The following CDH13 variants were observed in gnomAD, a reference collection of about 807,000 sequenced individuals.
CDH13 encodes cadherin 13.
A neutral mutation model predicts 63.8 loss-of-function variants in CDH13; 24 were observed. That is an observed-to-expected ratio of 0.38 (90% CI 0.27 to 0.53). CDH13 has a LOEUF of 0.53. Among genes scored for constraint, CDH13 ranks in the 20% least tolerant of loss-of-function variants. The pLI, the probability that CDH13 is intolerant of heterozygous loss-of-function variation, is 0.85. For synonymous variants in CDH13, 503 were observed against 355.3 expected (o/e 1.42, Z -4.67); for missense variants, 1,049 against 903.1 (o/e 1.16, Z -2.07).
At chr16:83,144,119 C>T (rs2036647827) in intron 4 of CDH13, among the ~76,000 whole-genome samples, 4 of 152,110 alleles carry the variant, frequency 2.6e-5, no homozygotes, top group Admixed American at 2.6e-4. Flanking sequence ...TCATACTTGA[C>T]CCACAGCTAG....
chr16:83,086,150 C>T (rs1486683288), intron 3 of CDH13, among the ~76,000 whole-genome samples: 1 of 152,304 alleles, frequency 6.6e-6, no homozygotes, highest in South Asian at 2.1e-4. Context: ...GATACCAGGC[C>T]ACTGGTGTCT....
chr16:83,653,898 T>G (rs886400238), intron 8 of CDH13, among the ~76,000 whole-genome samples: 2 of 152,130 alleles, frequency 1.3e-5, no homozygotes, highest in African/African-American at 2.4e-5. Context: ...CCATAAATAT[T>G]TGTGGAATGT....
At chr16:83,761,138 A>C (rs1268476825) in intron 11 of CDH13, among the ~76,000 whole-genome samples, 1 of 152,216 alleles carries the variant, frequency 6.6e-6, no homozygotes, top group Non-Finnish European at 1.5e-5. Flanking sequence ...AAACTGTCAG[A>C]TCAGAATGGA....
chr16:83,434,784 T>C (rs985970588), intron 6 of CDH13, among the ~76,000 whole-genome samples: 15 of 151,124 alleles, frequency 9.9e-5, no homozygotes, highest in African/African-American at 3.7e-4. Flanking sequence ...CCCCAATTTC[T>C]CTCTTGGACT....
chr16:83,731,138 T>A (rs541048487), intron 10 of CDH13, among the ~76,000 whole-genome samples: 32 of 152,362 alleles, frequency 2.1e-4, no homozygotes, highest in African/African-American at 7.7e-4. Context: ...AGTGCATGTG[T>A]CTTTTTGGCA....
chr16:83,629,984 T>C (rs1292968631), intron 8 of CDH13, among the ~76,000 whole-genome samples: 2 of 152,230 alleles, frequency 1.3e-5, no homozygotes, highest in Admixed American at 6.5e-5. Flanking sequence ...CCGTATTTCA[T>C]AGAGCCCTGA....
chr16:82,859,152 T>A (rs2039825433), intron 2 of CDH13: 1 of 152,252 alleles, frequency 6.6e-6, no homozygotes, highest in African/African-American at 2.4e-5. Context: ...AAGTACAGTT[T>A]TAGTGCAATA....
At chr16:82,979,802 A>G (rs1046842057) in intron 2 of CDH13, among the ~76,000 whole-genome samples, 18 of 152,308 alleles carry the variant, frequency 1.2e-4, no homozygotes, top group African/African-American at 3.8e-4. Context: ...GAGGAAAACA[A>G]TAAGATCAGA....
intron 1 of CDH13, among the ~76,000 whole-genome samples, chr16:82,718,267 T>A (rs1024252604): frequency 1.3e-5 from 2 of 152,196 alleles, no homozygotes; most frequent in Non-Finnish European, 2.9e-5. Flanking sequence ...GGGGTATTTA[T>A]CTACCAACTC....
At chr16:83,455,825 A>G (rs1248212063) in intron 6 of CDH13, among the ~76,000 whole-genome samples, 1 of 152,212 alleles carries the variant, frequency 6.6e-6, no homozygotes, top group East Asian at 1.9e-4. Context: ...CCCTGTGGAC[A>G]AGTCTCCCTT....
chr16:83,680,298 T>C (rs1011067759), intron 10 of CDH13, among the ~76,000 whole-genome samples: 2 of 152,184 alleles, frequency 1.3e-5, no homozygotes, highest in Admixed American at 1.3e-4. Flanking sequence ...TGCACCTCCC[T>C]GCTCCAGGCA....
chr16:83,351,531 G>C (rs948043657), intron 6 of CDH13, among the ~76,000 whole-genome samples: 4 of 151,888 alleles, frequency 2.6e-5, no homozygotes, highest in Non-Finnish European at 4.4e-5. Flanking sequence ...CACTCCTCAG[G>C]GTCCTATGGA....
At chr16:83,479,201 G>C (rs190092046) in intron 6 of CDH13, among the ~76,000 whole-genome samples, 1 of 151,754 alleles carries the variant, frequency 6.6e-6, no homozygotes, top group Non-Finnish European at 1.5e-5. Flanking sequence ...TTCCTAACAA[G>C]ATTTTAAGTA....
chr16:83,326,380 C>T (rs1035731443), intron 5 of CDH13, among the ~76,000 whole-genome samples: 14 of 150,166 alleles, frequency 9.3e-5, no homozygotes, highest in African/African-American at 3.4e-4. Flanking sequence ...ATTGGAGAAA[C>T]ATCATTGTCC....
intron 2 of CDH13, among the ~76,000 whole-genome samples, chr16:82,942,011 T>G (rs968963330): frequency 6.6e-6 from 1 of 152,198 alleles, no homozygotes; most frequent in Non-Finnish European, 1.5e-5. Context: ...ACTTTCTTAA[T>G]GGTGTCGTTT....
At chr16:83,480,631 C>A (rs73603832) in intron 6 of CDH13, among the ~76,000 whole-genome samples, 1,852 of 152,216 alleles carry the variant, frequency 0.012, 30 homozygotes, top group African/African-American at 0.04. Context: ...CTGCTCATGA[C>A]GAAGAGACGT....
At chr16:82,658,330 C>G (rs887486473) in intron 1 of CDH13, among the ~76,000 whole-genome samples, 3 of 152,134 alleles carry the variant, frequency 2.0e-5, no homozygotes, top group Non-Finnish European at 4.4e-5. Context: ...CTGCTGGTTC[C>G]CAATAGTTGA....
At chr16:82,765,198 A>C (rs192854744) in intron 1 of CDH13, among the ~76,000 whole-genome samples, 2 of 152,326 alleles carry the variant, frequency 1.3e-5, no homozygotes, top group East Asian at 3.9e-4. Flanking sequence ...CTTTTTAAAG[A>C]GATGAGTATT....
chr16:82,833,532 T>C lies in CDH13; in HGVS notation c.46-24830T>C, dbSNP rs544755639. Among the ~76,000 whole-genome samples, 16 of 152,336 alleles carry C rather than the reference T, an allele frequency of 1.1e-4. No homozygotes were observed. In the South Asian group the frequency reaches 3.3e-3, roughly 32 times the overall value. Reference sequence around the variant, plus strand: ...TGTCAAATGCTGAGTTTGCAAAGCATGGTCTGAGTGCTTCCCTTCTGGACC... The same window carrying C: ...TGTCAAATGCTGAGTTTGCAAAGCACGGTCTGAGTGCTTCCCTTCTGGACC... On this transcript the variant is annotated intron_variant, in intron 1 of 13. Coordinates refer to ENST00000567109, the MANE Select transcript of CDH13 (RefSeq NM_001257.5).
Sources: allele counts gnomAD v4.1 joint callset (sites outside exome capture counted in the v4.1 genomes callset), GRCh38; gene constraint gnomAD v4.1.1; transcripts MANE v1.5; gene names NCBI Gene and HGNC (gene_info 2026-07-23, HGNC 2026-07-21).